Variants in SF3B1 observed in about 807,000 individuals in gnomAD.
SF3B1 encodes pre-mRNA processing 10.
SF3B1 carries 12 observed loss-of-function variants against 153.8 expected under a neutral mutation model. The ratio of observed to expected loss-of-function variants is 0.08; its 90% CI spans 0.05 to 0.13. SF3B1 has a LOEUF of 0.13. Among genes scored for constraint, SF3B1 ranks in the 10% least tolerant of loss-of-function variants. The pLI is 1.00. For synonymous variants in SF3B1, 498 were observed against 525.2 expected (o/e 0.95, Z 0.71); for missense variants, 513 against 1,606.1 (o/e 0.32, Z 11.63).
intron 7 of SF3B1, 197 bp from the exon 8 acceptor site, chr2:197,408,778 C>G: frequency 1.8e-6 from 1 of 553,996 alleles, no homozygotes. Context: ...CAAAAAGTAG[C>G]CAGGTGTGGT....
intron 1 of SF3B1, among the ~76,000 whole-genome samples, chr2:197,424,958 G>A (rs1046377440): frequency 3.3e-5 from 5 of 150,422 alleles, no homozygotes; most frequent in Admixed American, 6.6e-5. Context: ...TCAGGCATTC[G>A]AGACCAGCCT....
At position 197,402,767 on chromosome 2, in the gene SF3B1, C is replaced by T. The variant is rs763149798; in HGVS notation, c.1866G>A (p.Glu622=). The change falls in exon 14 of 25, where the codon GAG becomes GAA. Residue 622 remains glutamate, a synonymous_variant. Transcript: ENST00000335508. This position sits in a 1 kb window ranked among gnomAD's most constrained non-coding sequence, Gnocchi z 4.6. ...CTCTAGCTGTTGTGTTACGGACATACTCATCCATGTTATCTATATCAGGTC... is the reference window on the plus strand; with the variant it reads ...CTCTAGCTGTTGTGTTACGGACATATTCATCCATGTTATCTATATCAGGTC... ...TMRPDIDNMD[E]YVRNTTARAF... is the part of the protein sequence containing the mutation. 1 of 1,614,078 alleles carries T rather than the reference C, an allele frequency of 6.2e-7. No homozygotes were observed. The highest frequency in any genetic ancestry group is 1.1e-5 in the South Asian group (1 of 91,080).
intron 2 of SF3B1, among the ~76,000 whole-genome samples, chr2:197,422,800 G>A (rs1227331383): frequency 6.6e-6 from 1 of 151,800 alleles, no homozygotes; most frequent in Non-Finnish European, 1.5e-5. Flanking sequence ...TGAGGCAGGA[G>A]AATGCTATGA....
In SF3B1 at chr2:197,390,806, T is replaced by A. The variant is rs1559261214; in HGVS notation, c.*1497A>T. On this transcript the variant is annotated 3_prime_UTR_variant, in exon 25 of 25. Coordinates refer to ENST00000335508, the MANE Select transcript of SF3B1 (RefSeq NM_012433.4). The stretch of plus-strand genomic sequence containing the variant: ...TTTTAGTAGACGGGACTTCACCGCG[T>A]TAGCCAGGATGGTCTCGATCTCCTG... 2 of 152,186 alleles carry A rather than the reference T, an allele frequency of 1.3e-5. No homozygotes were observed. Among genetic ancestry groups the A allele is most frequent in the Non-Finnish European group, 2.9e-5 (2 of 68,116 alleles). 9.4% of individuals were successfully genotyped at this position (152,186 alleles called of 1,614,324 possible).
intron 6 of SF3B1, among the ~76,000 whole-genome samples, chr2:197,416,204 G>C (rs747486747): frequency 6.6e-6 from 1 of 151,754 alleles, no homozygotes; most frequent in Non-Finnish European, 1.5e-5. Context: ...GCTGCCAGTA[G>C]TGAGGGGCTT....
chr2:197,397,096 A>G (rs1336554334), intron 22 of SF3B1, among the ~76,000 whole-genome samples: 1 of 152,180 alleles, frequency 6.6e-6, no homozygotes, highest in Non-Finnish European at 1.5e-5. Flanking sequence ...ATGGAGTGGA[A>G]GCAAACCACC....
Position 197,397,887 on chromosome 2 carries a change from C to G in SF3B1, c.3266+98G>C, listed in dbSNP as rs949603322. On this transcript the variant is annotated intron_variant, in intron 22 of 24. Coordinates refer to ENST00000335508, the MANE Select transcript of SF3B1 (RefSeq NM_012433.4). ...GCTTTCTCAACTGCATTATTCAGAC[C>G]ATGCCTCAAAAGAGATTTCTACATG... The G allele has an allele frequency of 2.5e-5, 21 of 833,060 alleles. No homozygotes were observed. The African/African-American group carries it at 3.5e-4, about 14-fold the overall frequency. 51.6% of individuals were successfully genotyped at this position (833,060 alleles called of 1,614,324 possible).
chr2:197,392,831 A>T (rs563439219), intron 24 of SF3B1, 141 bp downstream of exon 24: 8 of 619,942 alleles, frequency 1.3e-5, no homozygotes, highest in Non-Finnish European at 2.3e-5. Flanking sequence ...AACCTAGATG[A>T]CAGGTTGATA....
Position 197,408,004 on chromosome 2 carries a change from T to C in SF3B1, c.1233A>G (p.Gly411=). ...TTCAAATTTGATGTACTACCTTATA[T>C]CCTTCTGGGAACATAGCATCTAATT... is the stretch of plus-strand genomic sequence containing the variant. The part of the protein sequence containing the change: ...DEELDAMFPE[G]YKVLPPPAGY... The change falls in exon 9 of 25, where the codon GGA becomes GGG. Residue 411 remains glycine, a synonymous_variant. Coordinates refer to ENST00000335508, the MANE Select transcript of SF3B1 (RefSeq NM_012433.4). 6.2e-7 allele frequency: 1 copy of C among 1,612,742 alleles called. No homozygotes were observed. The highest frequency in any genetic ancestry group is 1.7e-4 in the Middle Eastern group (1 of 6,056).
chr2:197,407,776 C>T (rs754409353), intron 9 of SF3B1, among the ~76,000 whole-genome samples: 1 of 152,056 alleles, frequency 6.6e-6, no homozygotes, highest in Non-Finnish European at 1.5e-5. Context: ...CCGATAGACC[C>T]ATACACAAGT....
At chr2:197,405,551 T>A in intron 9 of SF3B1, 79 bp from the exon 10 acceptor site, 1 of 986,322 alleles carries the variant, frequency 1.0e-6, no homozygotes, top group Non-Finnish European at 1.5e-6. Context: ...ACTTAAAATA[T>A]TTTAGTTTAT....
intron 6 of SF3B1, among the ~76,000 whole-genome samples, chr2:197,415,932 C>G (rs2085141443): frequency 6.6e-6 from 1 of 151,810 alleles, no homozygotes; most frequent in Non-Finnish European, 1.5e-5. Flanking sequence ...CCACCACCCC[C>G]CATACCCCAG....
At chr2:197,399,446 TTTG>T (rs752990161) in intron 20 of SF3B1, among the ~76,000 whole-genome samples, 1 of 152,126 alleles carries the variant, frequency 6.6e-6, no homozygotes, top group Non-Finnish European at 1.5e-5. Context: ...TAAGAAACCA[TTTG>T]TTTTCTTCAT....
At chr2:197,420,297 C>T (rs1335624233) in intron 4 of SF3B1, 131 bp downstream of exon 4, 5 of 643,760 alleles carry the variant, frequency 7.8e-6, no homozygotes, top group South Asian at 2.0e-5. Flanking sequence ...CACATCTATA[C>T]AAATCTATAG....
intron 6 of SF3B1, among the ~76,000 whole-genome samples, chr2:197,410,501 ATTTTTTTTTT>A (rs573287348): frequency 9.3e-6 from 1 of 107,942 alleles, no homozygotes; most frequent in Admixed American, 1.1e-4. Context: ...CACCTATGTA[ATTTTTTTTTT>A]TTTTTTTTTT....
chr2:197,405,670 G>C (rs1202218328), intron 9 of SF3B1, among the ~76,000 whole-genome samples, 198 bp from the exon 10 acceptor site: 1 of 152,138 alleles, frequency 6.6e-6, no homozygotes, highest in Non-Finnish European at 1.5e-5. Context: ...TATATCCGTG[G>C]TGTAGGGAAC....
chr2:197,425,132 T>C (rs550291313), intron 1 of SF3B1, among the ~76,000 whole-genome samples: 1 of 151,766 alleles, frequency 6.6e-6, no homozygotes, highest in African/African-American at 2.4e-5. Flanking sequence ...CACTTTAGCC[T>C]GGGCAAAGAG....
chr2:197,404,310 T>C (rs2084965661), intron 11 of SF3B1, among the ~76,000 whole-genome samples: 1 of 152,182 alleles, frequency 6.6e-6, no homozygotes, highest in African/African-American at 2.4e-5. Context: ...CTGGGCATGG[T>C]GGTTCACACC....
At chr2:197,398,674 A>G (rs927719659) in intron 20 of SF3B1, 93 bp from the exon 21 acceptor site, 1 of 1,166,938 alleles carries the variant, frequency 8.6e-7, no homozygotes, top group African/African-American at 1.5e-5. Flanking sequence ...GACTATGTAT[A>G]AATATAAACT....
Sources: allele counts gnomAD v4.1 joint callset (sites outside exome capture counted in the v4.1 genomes callset), GRCh38; gene constraint gnomAD v4.1.1; non-coding constraint Gnocchi (gnomAD v3.1); transcripts MANE v1.5; gene names NCBI Gene and HGNC (gene_info 2026-07-23, HGNC 2026-07-21).